The following SCHIP1 variants were observed in gnomAD, a reference collection of about 807,000 sequenced individuals.
SCHIP1 encodes the protein schwannomin-interacting protein 1.
In SCHIP1, 8 loss-of-function variants were observed where a neutral mutation model predicts 29.7. That is an observed-to-expected ratio of 0.27 (90% CI 0.16 to 0.49). The LOEUF (loss-of-function observed/expected upper bound fraction) is 0.49. Among genes scored for constraint, SCHIP1 ranks in the 20% least tolerant of loss-of-function variants. The pLI is 0.99. For synonymous variants in SCHIP1, 76 were observed against 94.9 expected (o/e 0.80, Z 1.16); for missense variants, 193 against 294.6 (o/e 0.66, Z 2.52).
At chr3:159,399,118 G>T in the SCHIP1 span, among the ~76,000 whole-genome samples, 12 of 151,768 alleles carry the variant, frequency 7.9e-5, no homozygotes, top group Admixed American at 2.6e-4. Context: ...CTTGTCAGTG[G>T]CTGTTTCGTC....
chr3:159,495,309 G>A, the SCHIP1 span, among the ~76,000 whole-genome samples: 1 of 152,204 alleles, frequency 6.6e-6, no homozygotes, highest in Non-Finnish European at 1.5e-5. Context: ...AAAAGAGGAA[G>A]TCAAATTGTC....
At chr3:159,471,133 C>T in the SCHIP1 span, among the ~76,000 whole-genome samples, 1 of 152,052 alleles carries the variant, frequency 6.6e-6, no homozygotes, top group Admixed American at 6.6e-5. Flanking sequence ...AAACAACACA[C>T]ACACACCCCT....
the SCHIP1 span, among the ~76,000 whole-genome samples, chr3:159,598,035 G>A: frequency 6.6e-6 from 1 of 152,118 alleles, no homozygotes; most frequent in Non-Finnish European, 1.5e-5. Context: ...GATCTGGTGA[G>A]ACTCACTCAC....
At chr3:159,532,877 C>G in the SCHIP1 span, among the ~76,000 whole-genome samples, 1 of 152,138 alleles carries the variant, frequency 6.6e-6, no homozygotes, top group Admixed American at 6.5e-5. Flanking sequence ...ATTGAGTGAG[C>G]TGTAAGTCCC....
the SCHIP1 span, among the ~76,000 whole-genome samples, chr3:159,828,731 T>C: frequency 6.6e-6 from 1 of 152,076 alleles, no homozygotes; most frequent in African/African-American, 2.4e-5. Flanking sequence ...ATTGAAAAGC[T>C]TTTTTATTGT....
At chr3:159,654,931 G>A in the SCHIP1 span, among the ~76,000 whole-genome samples, 3 of 152,152 alleles carry the variant, frequency 2.0e-5, no homozygotes, top group East Asian at 5.8e-4. Flanking sequence ...GATAGGACTG[G>A]CTACCCTGAG....
At chr3:159,755,704 C>T in the SCHIP1 span, among the ~76,000 whole-genome samples, 2 of 152,340 alleles carry the variant, frequency 1.3e-5, no homozygotes, top group East Asian at 3.9e-4. Flanking sequence ...CAAGTCCCTT[C>T]CACCTATGAG....
chr3:159,426,361 G>C, the SCHIP1 span, among the ~76,000 whole-genome samples: 1 of 152,048 alleles, frequency 6.6e-6, no homozygotes, highest in Admixed American at 6.6e-5. Flanking sequence ...TATCACCACC[G>C]ATCCCACAGA....
chr3:159,403,007 A>G, the SCHIP1 span, among the ~76,000 whole-genome samples: 1 of 152,162 alleles, frequency 6.6e-6, no homozygotes, highest in African/African-American at 2.4e-5. Flanking sequence ...AGAGCCTCCC[A>G]CAAATATGGC....
chr3:159,848,124 A>G (rs562192617), intron 1 of SCHIP1, among the ~76,000 whole-genome samples: 3 of 152,296 alleles, frequency 2.0e-5, no homozygotes, highest in South Asian at 4.1e-4. Flanking sequence ...AAAAGCATTA[A>G]CTCACGTGAG....
At chr3:159,714,462 C>T in the SCHIP1 span, among the ~76,000 whole-genome samples, 1 of 152,310 alleles carries the variant, frequency 6.6e-6, no homozygotes, top group East Asian at 1.9e-4. Flanking sequence ...CCGGGAAGTG[C>T]AGCGCAAGAA....
the SCHIP1 span, among the ~76,000 whole-genome samples, chr3:159,487,115 C>A: frequency 1.1e-4 from 2 of 18,532 alleles, no homozygotes; most frequent in Non-Finnish European, 1.9e-4. Flanking sequence ...AAGATTCTAG[C>A]AATTCTAAGA....
chr3:159,335,865 G>A, the SCHIP1 span, among the ~76,000 whole-genome samples: 1 of 152,150 alleles, frequency 6.6e-6, no homozygotes, highest in Non-Finnish European at 1.5e-5. Flanking sequence ...ACCCAGTAAT[G>A]GGATGGCTGC....
the SCHIP1 span, among the ~76,000 whole-genome samples, chr3:159,726,655 T>C: frequency 6.6e-6 from 1 of 152,172 alleles, no homozygotes; most frequent in African/African-American, 2.4e-5. Context: ...TTGACCTTTA[T>C]TGCAAGTGAA....
the SCHIP1 span, chr3:159,401,065 A>G: frequency 0.44 from 162,327 of 372,588 alleles, 36,942 homozygotes; most frequent in East Asian, 0.5. Context: ...TAAGGACTAA[A>G]TGAATGCAAG....
the SCHIP1 span, among the ~76,000 whole-genome samples, chr3:159,420,176 G>A: frequency 6.6e-6 from 1 of 152,172 alleles, no homozygotes; most frequent in Admixed American, 6.5e-5. Flanking sequence ...GCTGATGCCA[G>A]GCAATAGTGC....
At chr3:159,837,402 C>A (rs1375909510), upstream of SCHIP1, among the ~76,000 whole-genome samples, 1 of 152,130 alleles carries the variant, frequency 6.6e-6, no homozygotes, top group East Asian at 1.9e-4. Context: ...TTTCCTTTGG[C>A]CTGCTCTTCT....
the SCHIP1 span, among the ~76,000 whole-genome samples, chr3:159,582,673 A>T: frequency 6.6e-6 from 1 of 152,056 alleles, no homozygotes; most frequent in Non-Finnish European, 1.5e-5. Flanking sequence ...GAAACTAAAA[A>T]ATATATATAA....
chr3:159,834,213 T>C, the SCHIP1 span, among the ~76,000 whole-genome samples: 1 of 152,236 alleles, frequency 6.6e-6, no homozygotes, highest in African/African-American at 2.4e-5. Flanking sequence ...GATATAGCAC[T>C]GAGTAAACCA....
Sources: gnomAD v4.1 joint callset for allele counts (sites outside exome capture counted in the v4.1 genomes callset) on GRCh38, gnomAD v4.1.1 for gene constraint, MANE v1.5 for transcripts, NCBI Gene and HGNC (gene_info 2026-07-23, HGNC 2026-07-21) for gene names.